The following LPXN variants were observed in gnomAD, a reference collection of about 807,000 sequenced individuals.
LPXN encodes the protein leupaxin.
LPXN carries 28 observed loss-of-function variants against 45.6 expected under a neutral mutation model. The ratio of observed to expected loss-of-function variants is 0.61; its 90% confidence interval spans 0.45 to 0.84. LPXN has a LOEUF of 0.84. Among genes scored for constraint, LPXN ranks in the 40% least tolerant of loss-of-function variants. The pLI, the probability that LPXN is intolerant of heterozygous loss-of-function variation, is 0.00. For synonymous variants in LPXN, 166 were observed against 169.9 expected, an observed-to-expected ratio of 0.98 and a Z score of 0.18; for missense variants, 459 against 475.0, an observed-to-expected ratio of 0.97 and a Z score of 0.31.
chr11:58,532,369 T>C (rs1853417314), intron 7 of LPXN, among the ~76,000 whole-genome samples: 1 of 152,242 alleles, frequency 6.6e-6, no homozygotes, highest in Admixed American at 6.5e-5. Flanking sequence ...CCCGCAGCCC[T>C]GGCATGGGAT....
chr11:58,549,400 C>G (rs758397513), intron 7 of LPXN, among the ~76,000 whole-genome samples: 11 of 151,524 alleles, frequency 7.3e-5, no homozygotes, highest in Non-Finnish European at 1.3e-4. Context: ...AGTGAGACTC[C>G]GTCTCAAAAA....
chr11:58,539,972 G>C (rs1477319421), intron 7 of LPXN, among the ~76,000 whole-genome samples: 1 of 152,044 alleles, frequency 6.6e-6, no homozygotes, highest in Non-Finnish European at 1.5e-5. Context: ...TAAATTTAGT[G>C]GTCAATGTTA....
rs571325695 is a variant in LPXN, at chr11:58,557,896, GT to G, written c.219-2957del. ...ATAAATGAAGATAAATATTATGTCA[GT>G]TTCCCCTAAACTGTAAATTCAATGT... On this transcript the variant is annotated intron_variant, in intron 3 of 8. Transcript: ENST00000395074. Among the ~76,000 whole-genome samples, 485 of 152,132 alleles carry G rather than the reference GT, an allele frequency of 3.2e-3. 1 individual carries two copies. The highest frequency in any genetic ancestry group is 0.011 in the African/African-American group (468 of 41,510).
rs529401025 is a variant in LPXN, at chr11:58,569,799, TC to T, written c.171+756del. ...CTAATAATTGAATCTCCTAATCTAT[TC>T]AGCAGAAAATAAGACCTGGGAAGTA... On this transcript the variant is annotated intron_variant, in intron 2 of 8. Coordinates refer to ENST00000395074, the MANE Select transcript of LPXN (RefSeq NM_004811.3). 4.6e-5 allele frequency among the ~76,000 whole-genome samples: 7 copies of T among 152,284 alleles called. No homozygotes were observed. In the South Asian group the frequency reaches 1.4e-3, roughly 32 times the overall value.
intron 1 of LPXN, among the ~76,000 whole-genome samples, chr11:58,573,246 C>CA (rs59534059): frequency 0.02 from 1,815 of 90,258 alleles, 19 homozygotes; most frequent in African/African-American, 0.021. Context: ...AACTCCGTCT[C>CA]AAAAAAAAAA....
intron 7 of LPXN, among the ~76,000 whole-genome samples, chr11:58,532,881 T>C (rs2515353): frequency 0.51 from 77,826 of 151,604 alleles, 20,761 homozygotes; most frequent in East Asian, 0.67. Context: ...CTGCTCACTC[T>C]TTGGGTCCGC....
At chr11:58,570,428 G>C in intron 2 of LPXN, 128 bp downstream of exon 2, 1 of 601,650 alleles carries the variant, frequency 1.7e-6, no homozygotes, top group Non-Finnish European at 2.7e-6. Context: ...GATTAACATT[G>C]AGGCATTATT....
chr11:58,578,844 G>C (rs973694894), upstream of LPXN, among the ~76,000 whole-genome samples: 1 of 151,860 alleles, frequency 6.6e-6, no homozygotes, highest in East Asian at 2.0e-4. Context: ...AAGTCTGGAG[G>C]GGGGAAAAAG....
chr11:58,578,719 G>A (rs1188824657), upstream of LPXN, among the ~76,000 whole-genome samples: 2 of 152,118 alleles, frequency 1.3e-5, no homozygotes, highest in Non-Finnish European at 2.9e-5. Flanking sequence ...CCTCAGGGAG[G>A]CAGGTGCGCG....
At chr11:58,570,329 T>C (rs1040894307) in intron 2 of LPXN, among the ~76,000 whole-genome samples, 2 of 150,558 alleles carry the variant, frequency 1.3e-5, no homozygotes, top group Non-Finnish European at 3.0e-5. Flanking sequence ...ATAAAAAAAA[T>C]AAAAAAAATA....
At chr11:58,570,454 A>G in intron 2 of LPXN, 102 bp downstream of exon 2, 8 of 839,674 alleles carry the variant, frequency 9.5e-6, no homozygotes, top group Non-Finnish European at 1.1e-5. Flanking sequence ...TCTTTCTTGG[A>G]TATATTATTC....
At chr11:58,529,345 T>C (rs1430533612) in intron 7 of LPXN, among the ~76,000 whole-genome samples, 1 of 152,138 alleles carries the variant, frequency 6.6e-6, no homozygotes, top group Non-Finnish European at 1.5e-5. Flanking sequence ...GCACGGTGGC[T>C]TGCACCTGTA....
In LPXN at chr11:58,527,547, A is replaced by G; in HGVS notation, c.1068T>C (p.Ala356=). ...CCTTCGACAACTGTGTCAGGCAGAA[A>G]GCACACACAAAGTGCTCAGGATGGA... ...YKFHPEHFVC[A]FCLTQLSKGI... is the part of the protein sequence containing the mutation. The change falls in exon 9 of 9, where the codon GCT becomes GCC. Residue 356 remains alanine, a synonymous_variant. Coordinates refer to ENST00000395074, the MANE Select transcript of LPXN (RefSeq NM_004811.3). The G allele has an allele frequency of 5.6e-6, 9 of 1,614,186 alleles. No homozygotes were observed. Among genetic ancestry groups the G allele is most frequent in the African/African-American group, 1.3e-5 (1 of 75,042 alleles).
At chr11:58,549,041 T>C (rs1048061740) in intron 7 of LPXN, among the ~76,000 whole-genome samples, 6 of 152,166 alleles carry the variant, frequency 3.9e-5, no homozygotes, top group Admixed American at 2.0e-4. Flanking sequence ...AGACAGTCAA[T>C]ACATAATGGT....
At chr11:58,538,224 C>A (rs1255095516) in intron 7 of LPXN, among the ~76,000 whole-genome samples, 23 of 151,994 alleles carry the variant, frequency 1.5e-4, no homozygotes, top group Admixed American at 5.3e-4. Context: ...ATAGTGCCGC[C>A]ATAAACATAC....
chr11:58,530,743 G>A (rs552341111), intron 7 of LPXN, among the ~76,000 whole-genome samples: 29 of 152,304 alleles, frequency 1.9e-4, no homozygotes, highest in African/African-American at 5.1e-4. Context: ...TGTGGCCCCC[G>A]TGTCTCCTGA....
At chr11:58,560,879 A>C (rs1854353340) in intron 3 of LPXN, among the ~76,000 whole-genome samples, 1 of 152,258 alleles carries the variant, frequency 6.6e-6, no homozygotes, top group South Asian at 2.1e-4. Flanking sequence ...ATAATTTATC[A>C]AACTAATAAT....
At chr11:58,577,112 A>G (rs1854915759), upstream of LPXN, among the ~76,000 whole-genome samples, 1 of 148,574 alleles carries the variant, frequency 6.7e-6, no homozygotes, top group Non-Finnish European at 1.5e-5. Flanking sequence ...TTTTTTTTTT[A>G]GGGAATAATT....
intron 7 of LPXN, among the ~76,000 whole-genome samples, chr11:58,532,791 G>A (rs1853432451): frequency 6.6e-6 from 1 of 152,210 alleles, no homozygotes; most frequent in Non-Finnish European, 1.5e-5. Flanking sequence ...GGCTGCCCGA[G>A]CCAGCAGTGG....
Sources: allele counts gnomAD v4.1 joint callset (sites outside exome capture counted in the v4.1 genomes callset), GRCh38; gene constraint gnomAD v4.1.1; transcripts MANE v1.5; gene names NCBI Gene and HGNC (gene_info 2026-07-23, HGNC 2026-07-21).